Variants in SACM1L observed in about 807,000 individuals in gnomAD.
The protein encoded by SACM1L is SAC1 like phosphatidylinositide phosphatase.
Under a neutral mutation model 89.5 loss-of-function variants are expected in SACM1L, and 32 were observed. The ratio of observed to expected loss-of-function variants is 0.36; its 90% CI spans 0.27 to 0.48. SACM1L has a LOEUF of 0.48. SACM1L is among the 20% of genes least tolerant of loss of function. The probability of loss-of-function intolerance (pLI) is 0.99; values close to 1 mark genes in which losing one functional copy is unlikely to be tolerated. For synonymous variants in SACM1L, 213 were observed against 232.8 expected (o/e 0.92, Z 0.77); for missense variants, 543 against 708.5 (o/e 0.77, Z 2.65).
chr3:45,714,011 A>C (rs1698583171), intron 6 of SACM1L, 35 bp from the exon 7 acceptor site: 1 of 1,139,690 alleles, frequency 8.8e-7, no homozygotes. Context: ...TTATTTTTAA[A>C]GTATATTTAT....
At chr3:45,733,166 C>T (rs1389602269) in intron 13 of SACM1L, among the ~76,000 whole-genome samples, 2 of 152,108 alleles carry the variant, frequency 1.3e-5, no homozygotes, top group African/African-American at 2.4e-5. Flanking sequence ...AGAGTTGACT[C>T]CAGAGTTTGT....
intron 1 of SACM1L, among the ~76,000 whole-genome samples, chr3:45,698,828 G>C (rs998911368): frequency 6.6e-6 from 1 of 151,796 alleles, no homozygotes; most frequent in East Asian, 1.9e-4. Flanking sequence ...GTGCAGTGGC[G>C]TGATCTCAGC....
chr3:45,709,617 T>G lies in SACM1L; in HGVS notation c.453T>G (p.Pro151=). ...HTLQRLSNTS[P]EFQEMSLLER... ...TGCAGCGGCTATCCAACACTAGTCC[T>G]GAATTCCAAGAAATGAGTCTCTTGG... is the stretch of plus-strand genomic sequence containing the variant. The change falls in exon 5 of 20, where the codon CCT becomes CCG. Residue 151 remains proline, a synonymous_variant. Transcript: ENST00000389061. 6.2e-7 allele frequency: 1 copy of G among 1,613,110 alleles called. No individual in the cohort carries two copies. Among genetic ancestry groups the G allele is most frequent in the Non-Finnish European group, 8.5e-7 (1 of 1,179,654 alleles).
At chr3:45,708,786 A>G (rs1698455912) in intron 4 of SACM1L, among the ~76,000 whole-genome samples, 4 of 152,220 alleles carry the variant, frequency 2.6e-5, no homozygotes, top group African/African-American at 9.6e-5. Flanking sequence ...TAGATTTGTA[A>G]CATGTAGATT....
intron 1 of SACM1L, among the ~76,000 whole-genome samples, chr3:45,699,713 G>C (rs985439940): frequency 6.6e-6 from 1 of 152,014 alleles, no homozygotes; most frequent in African/African-American, 2.4e-5. Context: ...GTAGAGACAG[G>C]GTTTCACTGT....
intron 5 of SACM1L, among the ~76,000 whole-genome samples, chr3:45,709,971 C>G (rs2125690033): frequency 6.6e-6 from 1 of 152,306 alleles, no homozygotes; most frequent in Admixed American, 6.5e-5. Context: ...CAAGTGCTAA[C>G]TCTCAGATGT....
Position 45,714,077 on chromosome 3 carries a change from G to A in SACM1L, c.575G>A (p.Gly192Asp). Residue 192 changes from glycine (G) to aspartate (D), a missense_variant and splice_region_variant, in exon 7 of 20, where the codon GGC (glycine) becomes GAC (aspartate). Transcript: ENST00000389061. ...VHRFALPVLH[G>D]FITMHSCSIN... ...CGGTTTGCCCTTCCAGTGTTACATG[G>A]CTGTATCCTTACATGATATTACTCT... is the stretch of plus-strand genomic sequence containing the variant. The A allele has an allele frequency of 6.5e-7, 1 of 1,544,798 alleles. No homozygotes were observed. The highest frequency in any genetic ancestry group is 8.8e-7 in the Non-Finnish European group (1 of 1,134,162).
intron 3 of SACM1L, among the ~76,000 whole-genome samples, chr3:45,706,245 A>C (rs1249834796): frequency 6.6e-6 from 1 of 152,218 alleles, no homozygotes; most frequent in African/African-American, 2.4e-5. Context: ...TGTATTGTGC[A>C]TGATGTTGTG....
Position 45,743,630 on chromosome 3 carries a change from C to T in SACM1L, c.1725C>T (p.Val575=), listed in dbSNP as rs376313343. 8.7e-6 allele frequency: 14 copies of T among 1,613,862 alleles called. No individual in the cohort carries two copies. Among genetic ancestry groups the T allele is most frequent in the East Asian group, 2.2e-5 (1 of 44,882 alleles). Residue 575 remains valine (V), a synonymous_variant, in exon 20 of 20, where the codon GTC becomes GTT. Transcript: ENST00000389061. ...FIILYNGKDF[V]DAPRLVQKEK... ...TTCTTTACAATGGCAAAGATTTTGT[C>T]GATGCTCCCAGACTGGTCCAGAAAG...
chr3:45,693,897 A>G (rs1037431725), intron 1 of SACM1L, among the ~76,000 whole-genome samples: 3 of 152,200 alleles, frequency 2.0e-5, no homozygotes, highest in African/African-American at 7.2e-5. Context: ...AGCCATTTGT[A>G]TAGGCATGGA....
chr3:45,720,650 C>G (rs1698768482), intron 8 of SACM1L, among the ~76,000 whole-genome samples: 1 of 152,126 alleles, frequency 6.6e-6, no homozygotes, highest in Admixed American at 6.5e-5. Context: ...AACACACATA[C>G]TGTCTCTCAG....
chr3:45,690,262 C>G (rs142154066), intron 1 of SACM1L: 1 of 152,330 alleles, frequency 6.6e-6, no homozygotes, highest in East Asian at 1.9e-4. Flanking sequence ...GTTTATTTCC[C>G]TTAGTGTTAC....
chr3:45,696,585 C>G (rs934633461), intron 1 of SACM1L, among the ~76,000 whole-genome samples: 3 of 152,104 alleles, frequency 2.0e-5, no homozygotes, highest in African/African-American at 7.2e-5. Context: ...TTCCCACCCA[C>G]AAAGCACCAG....
chr3:45,717,385 G>C (rs1698685987), intron 7 of SACM1L, among the ~76,000 whole-genome samples: 1 of 152,186 alleles, frequency 6.6e-6, no homozygotes, highest in African/African-American at 2.4e-5. Context: ...AAAAAAGCAA[G>C]CTGCGTGTTT....
At chr3:45,708,034 CTATA>C (rs567839264) in intron 4 of SACM1L, among the ~76,000 whole-genome samples, 2 of 151,284 alleles carry the variant, frequency 1.3e-5, no homozygotes, top group African/African-American at 4.9e-5. Flanking sequence ...TACAACGTAA[CTATA>C]TAAGTTAATA....
At chr3:45,736,104 A>G (rs1699192096) in intron 14 of SACM1L, among the ~76,000 whole-genome samples, 1 of 152,144 alleles carries the variant, frequency 6.6e-6, no homozygotes, top group Non-Finnish European at 1.5e-5. Flanking sequence ...CCCTGGGCTC[A>G]AGCAGTCTAC....
intron 1 of SACM1L, among the ~76,000 whole-genome samples, chr3:45,697,107 A>C (rs1048216999): frequency 5.3e-5 from 8 of 151,904 alleles, no homozygotes; most frequent in African/African-American, 1.9e-4. Context: ...TCATAGCAGC[A>C]TTATTCACAA....
Position 45,738,669 on chromosome 3 carries a change from CAAGT to C in SACM1L, c.1476+3_1476+6del. The C allele has an allele frequency of 6.2e-7, 1 of 1,600,712 alleles. No homozygotes were observed. On this transcript the variant is annotated splice_donor_variant and coding_sequence_variant, in exon 17 of 20. Coordinates refer to ENST00000389061, the MANE Select transcript of SACM1L (RefSeq NM_014016.5). LOFTEE classifies it high-confidence loss of function. ...GAACAACTTTTCCGATGGATTTAGA[CAAGT>C]AAGTTTGTATTTGATGCTTTCCTGG...
intron 3 of SACM1L, among the ~76,000 whole-genome samples, chr3:45,705,496 A>ATTTTTTTTTTTTTTTTTTTTTTTTTTTTT (rs36040487): frequency 2.9e-5 from 3 of 103,228 alleles, no homozygotes; most frequent in African/African-American, 4.4e-5. Context: ...TGTAAATAAA[A>ATTTTTTTTTTTTTTTTTTTTTTTTTTTTT]TTTTTTTTTT....
Sources: allele counts gnomAD v4.1 joint callset (sites outside exome capture counted in the v4.1 genomes callset), GRCh38; gene constraint gnomAD v4.1.1; transcripts MANE v1.5; gene names NCBI Gene and HGNC (gene_info 2026-07-23, HGNC 2026-07-21).